Variants in GUCY2C observed in about 807,000 individuals in gnomAD.
The protein encoded by GUCY2C is guanylate cyclase 2C.
A neutral mutation model predicts 131.1 loss-of-function variants in GUCY2C; 118 were observed. That is an observed-to-expected ratio of 0.90 (90% CI 0.78 to 1.05). The LOEUF is 1.05. GUCY2C is among the 50% of genes least tolerant of loss of function. GUCY2C has a pLI of 0.00. For missense variants in GUCY2C, 1,161 were observed against 1,304.4 expected (o/e 0.89, Z 1.69); for synonymous variants, 452 against 457.8 (o/e 0.99, Z 0.16).
At chr12:14,658,978 T>C (rs1243929612) in intron 11 of GUCY2C, among the ~76,000 whole-genome samples, 1 of 151,938 alleles carries the variant, frequency 6.6e-6, no homozygotes, top group African/African-American at 2.4e-5. Flanking sequence ...GATGAAGAAA[T>C]TGAAGCTAAG....
intron 9 of GUCY2C, among the ~76,000 whole-genome samples, chr12:14,671,888 G>A (rs1290673063): frequency 1.3e-5 from 2 of 152,158 alleles, no homozygotes; most frequent in African/African-American, 4.8e-5. Flanking sequence ...TATATTGAAG[G>A]TTCAATATAG....
At chr12:14,642,502 G>A (rs564500519) in intron 17 of GUCY2C, among the ~76,000 whole-genome samples, 1 of 152,236 alleles carries the variant, frequency 6.6e-6, no homozygotes, top group Admixed American at 6.5e-5. Flanking sequence ...TTGGTTCTCT[G>A]TCCAAATGTA....
At chr12:14,635,455 G>T (rs990644775) in intron 19 of GUCY2C, among the ~76,000 whole-genome samples, 1 of 152,048 alleles carries the variant, frequency 6.6e-6, no homozygotes, top group South Asian at 2.1e-4. Flanking sequence ...GGGATACAGC[G>T]AAAGTACTGC....
intron 23 of GUCY2C, 24 bp from the exon 24 acceptor site, chr12:14,619,333 G>T (rs1347362412): frequency 6.9e-7 from 1 of 1,455,178 alleles, no homozygotes; most frequent in Non-Finnish European, 9.7e-7. Flanking sequence ...CAGAAAGCAG[G>T]AAGTGGAGGC....
In GUCY2C at chr12:14,647,947, C is replaced by CTTATTTAT. The variant is rs148784736; in HGVS notation, c.1711-2640_1711-2633dup. Reference sequence around the variant, plus strand: ...GGAAAACAATCATATCATCTTTTTACTTATTTATTTATTTATTTATTTATT... The same window carrying CTTATTTAT: ...GGAAAACAATCATATCATCTTTTTACTTATTTATTTATTTATTTATTTATTTATTTATT... On this transcript the variant is annotated intron_variant, in intron 15 of 26. Transcript: ENST00000261170. Among the ~76,000 whole-genome samples, 742 of 148,700 alleles carry CTTATTTAT rather than the reference C, an allele frequency of 5.0e-3. 5 individuals carry two copies. The highest frequency in any genetic ancestry group is 0.017 in the African/African-American group (676 of 40,300).
intron 6 of GUCY2C, among the ~76,000 whole-genome samples, chr12:14,677,828 T>A (rs1230965442): frequency 1.3e-5 from 2 of 151,592 alleles, no homozygotes; most frequent in South Asian, 4.2e-4. Context: ...GATCCGCCTG[T>A]CTTGGCCTCC....
intron 16 of GUCY2C, 104 bp downstream of exon 16, chr12:14,645,125 T>C: frequency 1.5e-6 from 1 of 669,802 alleles, no homozygotes; most frequent in Non-Finnish European, 2.6e-6. Context: ...GCTATTATTA[T>C]CATTTTACAG....
chr12:14,665,874 C>T (rs1309391174), intron 10 of GUCY2C: 1 of 152,168 alleles, frequency 6.6e-6, no homozygotes, highest in African/African-American at 2.4e-5. Flanking sequence ...GTTGCTGAAG[C>T]GGCTTCATTG....
chr12:14,695,246 G>T (rs1012512232), intron 1 of GUCY2C, among the ~76,000 whole-genome samples: 6 of 152,016 alleles, frequency 3.9e-5, no homozygotes, highest in African/African-American at 1.5e-4. Context: ...CAGGTGGCTG[G>T]GAATCATGGC....
chr12:14,670,731 C>T (rs570580136), intron 9 of GUCY2C, among the ~76,000 whole-genome samples: 4 of 151,990 alleles, frequency 2.6e-5, no homozygotes, highest in African/African-American at 9.6e-5. Flanking sequence ...TTGCCTGCTA[C>T]CATGTAAGAT....
Position 14,681,417 on chromosome 12 carries a change from C to T in GUCY2C, c.672G>A (p.Val224=). 3 of 1,611,686 alleles carry T rather than the reference C, an allele frequency of 1.9e-6. No individual in the cohort carries two copies. The highest frequency in any genetic ancestry group is 2.5e-6 in the Non-Finnish European group (3 of 1,177,932). ...SYFSHELGFK[V]VLRQDKEFQD... ...GAAACTCCTTATCTTGTCTTAACAC[C>T]ACCTTAAAGCCGAGTTCGTGGGAGA... Residue 224 remains valine, a synonymous_variant, in exon 5 of 27, where the codon GTG becomes GTA. Transcript: ENST00000261170.
chr12:14,696,170 G>T, intron 1 of GUCY2C, 62 bp downstream of exon 1: 1 of 1,315,216 alleles, frequency 7.6e-7, no homozygotes, highest in African/African-American at 1.4e-5. Flanking sequence ...TCTTTGCTTA[G>T]CAACATTTTG....
intron 9 of GUCY2C, among the ~76,000 whole-genome samples, chr12:14,670,767 G>T (rs1406220484): frequency 2.0e-5 from 3 of 151,576 alleles, no homozygotes; most frequent in Non-Finnish European, 4.4e-5. Flanking sequence ...CACCATGATT[G>T]CGAGGCCTCC....
chr12:14,628,287 G>A (rs1257878684), intron 20 of GUCY2C, among the ~76,000 whole-genome samples: 1 of 152,142 alleles, frequency 6.6e-6, no homozygotes, highest in African/African-American at 2.4e-5. Context: ...ACATGCTGAT[G>A]TTAATAATTG....
intron 2 of GUCY2C, 42 bp from the exon 3 acceptor site, chr12:14,686,267 A>G (rs766190069): frequency 3.6e-6 from 5 of 1,386,898 alleles, no homozygotes; most frequent in Non-Finnish European, 5.1e-6. Context: ...GAACTAAGAA[A>G]AATACTCAGT....
rs202025681 is a variant in GUCY2C at position 14,689,326 on chromosome 12, A to G, written c.218-1263T>C. 8.5e-5 allele frequency among the ~76,000 whole-genome samples: 13 copies of G among 152,288 alleles called. No individual in the cohort carries two copies. The East Asian group carries it at 2.3e-3, about 27-fold the overall frequency. On this transcript the variant is annotated intron_variant, in intron 1 of 26. Coordinates refer to ENST00000261170, the MANE Select transcript of GUCY2C (RefSeq NM_004963.4). ...GAACTCCTATTGACCAAGATGAGAA[A>G]GAGTGTGGGTGGAGCAGGTTTGCTA...
At position 14,687,256 on chromosome 12, in the gene GUCY2C, A is replaced by T. The variant is rs189991432; in HGVS notation, c.330+695T>A. ...TGTGGGGCCTTGAAATATGTTTTTA[A>T]ACATGATTTCTCAGGTATTTCTTGA... On this transcript the variant is annotated intron_variant, in intron 2 of 26. Coordinates refer to ENST00000261170, the MANE Select transcript of GUCY2C (RefSeq NM_004963.4). Among the ~76,000 whole-genome samples the T allele has an allele frequency of 3.7e-4, 56 of 152,298 alleles. No homozygotes were observed. In the East Asian group the frequency reaches 5.8e-3, roughly 16 times the overall value.
rs777958744 is a variant in GUCY2C, at chr12:14,622,207, C to T, written c.2409-10G>A. 2.3e-5 allele frequency: 33 copies of T among 1,462,308 alleles called. No homozygotes were observed. The highest frequency in any genetic ancestry group is 3.8e-4 in the Middle Eastern group (2 of 5,296). The allele number at this position is 1,462,308 out of a possible 1,614,324, so 90.6% of individuals were successfully genotyped here. A position where few individuals can be genotyped will look rare whatever the true frequency, so the allele number is the denominator to read the frequency against. ...AGACTTTACCACTAGCCTAGATGAA[C>T]GAAGGGAAAAAAAATGCCTTCAACT... On this transcript the variant is annotated splice_polypyrimidine_tract_variant and intron_variant, in intron 21 of 26. Transcript: ENST00000261170.
At chr12:14,678,236 A>G (rs1948280459) in intron 6 of GUCY2C, among the ~76,000 whole-genome samples, 1 of 152,218 alleles carries the variant, frequency 6.6e-6, no homozygotes, top group Non-Finnish European at 1.5e-5. Flanking sequence ...CATTTTACAA[A>G]TGGGAAGATT....
Sources: gnomAD v4.1 joint callset for allele counts (sites outside exome capture counted in the v4.1 genomes callset) on GRCh38, gnomAD v4.1.1 for gene constraint, MANE v1.5 for transcripts, NCBI Gene and HGNC (gene_info 2026-07-23, HGNC 2026-07-21) for gene names.